PCED1B: variants seen among roughly 807,000 people sequenced by gnomAD.
The protein encoded by PCED1B is PC-esterase domain containing 1B, also known as PC-esterase domain-containing protein 1B.
For synonymous variants in PCED1B, 251 were observed against 246.1 expected (o/e 1.02, Z -0.19); for missense variants, 573 against 573.9 (o/e 1.00, Z 0.02).
At chr12:47,121,730 A>G (rs1285545734) in intron 2 of PCED1B, among the ~76,000 whole-genome samples, 1 of 152,140 alleles carries the variant, frequency 6.6e-6, no homozygotes, top group Non-Finnish European at 1.5e-5. Flanking sequence ...TGTCAAAATA[A>G]GTGATAAAAG....
intron 2 of PCED1B, among the ~76,000 whole-genome samples, chr12:47,119,782 T>C (rs1159501912): frequency 6.6e-6 from 1 of 151,336 alleles, no homozygotes; most frequent in African/African-American, 2.4e-5. Context: ...CTGGTCAATA[T>C]GGGAAAACCC....
intron 3 of PCED1B, among the ~76,000 whole-genome samples, chr12:47,217,484 G>A (rs549153833): frequency 2.1e-4 from 20 of 96,488 alleles, no homozygotes; most frequent in African/African-American, 1.1e-3. Flanking sequence ...AAGAAAGAAA[G>A]AAAGAAAGAA....
chr12:47,231,209 C>T (rs550168064), intron 3 of PCED1B, among the ~76,000 whole-genome samples: 86 of 152,106 alleles, frequency 5.7e-4, no homozygotes, highest in Middle Eastern at 3.4e-3. Context: ...AAGAGAAGCG[C>T]GTATGTTTTA....
chr12:47,182,901 G>A (rs1164803946), intron 2 of PCED1B, among the ~76,000 whole-genome samples: 1 of 152,084 alleles, frequency 6.6e-6, no homozygotes, highest in East Asian at 1.9e-4. Flanking sequence ...ACAATATTTT[G>A]AAACTCATCA....
At chr12:47,083,594 A>T (rs187217247) in intron 1 of PCED1B, among the ~76,000 whole-genome samples, 1 of 152,314 alleles carries the variant, frequency 6.6e-6, no homozygotes, top group Non-Finnish European at 1.5e-5. Context: ...AAATTGCCTA[A>T]GATTTTTTAT....
At chr12:47,178,511 C>T (rs552570204) in intron 2 of PCED1B, among the ~76,000 whole-genome samples, 1 of 152,106 alleles carries the variant, frequency 6.6e-6, no homozygotes, top group Non-Finnish European at 1.5e-5. Flanking sequence ...GGAATGGCAA[C>T]AGCCCAGGTA....
chr12:47,194,346 T>C (rs576785006), intron 2 of PCED1B, among the ~76,000 whole-genome samples: 1 of 152,254 alleles, frequency 6.6e-6, no homozygotes, highest in East Asian at 1.9e-4. Flanking sequence ...AGCTAATTTT[T>C]GTATTTTTAA....
intron 1 of PCED1B, among the ~76,000 whole-genome samples, chr12:47,081,400 T>A (rs933947011): frequency 8.5e-5 from 13 of 152,248 alleles, no homozygotes; most frequent in Non-Finnish European, 1.9e-4. Context: ...GGCAGATTTG[T>A]TAGACCAACA....
At chr12:47,229,899 A>G (rs1943747147) in intron 3 of PCED1B, among the ~76,000 whole-genome samples, 1 of 150,692 alleles carries the variant, frequency 6.6e-6, no homozygotes, top group African/African-American at 2.4e-5. Context: ...CCTCCCGAGT[A>G]GCTGGGACTA....
chr12:47,091,885 G>C (rs897883252), intron 1 of PCED1B, among the ~76,000 whole-genome samples: 4 of 152,050 alleles, frequency 2.6e-5, no homozygotes, highest in Admixed American at 6.5e-5. Flanking sequence ...TCCCTGTTGT[G>C]TTTCATTGGA....
intron 1 of PCED1B, among the ~76,000 whole-genome samples, chr12:47,087,333 T>C (rs1007095116): frequency 1.1e-4 from 17 of 152,334 alleles, no homozygotes; most frequent in African/African-American, 4.1e-4. Context: ...ATGAGGGCCA[T>C]GGGGCTTTGT....
intron 3 of PCED1B, among the ~76,000 whole-genome samples, chr12:47,234,690 C>G (rs1267751379): frequency 6.6e-6 from 1 of 152,190 alleles, no homozygotes. Context: ...CACTCTCATC[C>G]CTGGGGAGGG....
In PCED1B at chr12:47,235,394, T is replaced by A. The variant is rs1189968434; in HGVS notation, c.331T>A (p.Ser111Thr). Residue 111 changes from serine to threonine, a missense_variant, in exon 4 of 4, where the codon TCG (serine) becomes ACG (threonine). By Grantham distance (58) the Ser-to-Thr change is moderately conservative. Coordinates refer to ENST00000546455, the MANE Select transcript of PCED1B (RefSeq NM_138371.3). ...CCAGACCATCTTGAAAGAGCTGCAG[T>A]CGGGCGAGCACGCCCCCGACCTGGT... ...YLQTILKELQSGEHAPDLVIM... is the reference protein window; with the variant it reads ...YLQTILKELQTGEHAPDLVIM... 6.2e-7 allele frequency: 1 copy of A among 1,614,026 alleles called. No individual in the cohort carries two copies. The highest frequency in any genetic ancestry group is 2.2e-5 in the East Asian group (1 of 44,882).
At chr12:47,187,566 A>G (rs969957944) in intron 2 of PCED1B, among the ~76,000 whole-genome samples, 2 of 152,204 alleles carry the variant, frequency 1.3e-5, no homozygotes, top group African/African-American at 4.8e-5. Flanking sequence ...CCAGCACTAA[A>G]TAATAAATGT....
At chr12:47,167,870 C>T (rs151014530) in intron 2 of PCED1B, among the ~76,000 whole-genome samples, 1 of 152,148 alleles carries the variant, frequency 6.6e-6, no homozygotes, top group African/African-American at 2.4e-5. Context: ...AGTACCTGGG[C>T]AGGCCAACAT....
intron 2 of PCED1B, among the ~76,000 whole-genome samples, chr12:47,115,449 G>A (rs1310483630): frequency 6.6e-6 from 1 of 151,970 alleles, no homozygotes; most frequent in East Asian, 1.9e-4. Flanking sequence ...TCTTAAAGCT[G>A]TAGCCACACT....
intron 2 of PCED1B, among the ~76,000 whole-genome samples, chr12:47,150,311 C>G (rs1592205286): frequency 6.6e-6 from 1 of 152,002 alleles, no homozygotes; most frequent in Admixed American, 6.5e-5. Context: ...CGCGGTGGCT[C>G]AAGCCTGTAA....
rs1385548530 is a variant in PCED1B at position 47,217,466 on chromosome 12, G to GAA, written c.-58+779_-58+780dup. On this transcript the variant is annotated intron_variant, in intron 3 of 3. Transcript: ENST00000546455. The stretch of plus-strand genomic sequence containing the variant: ...AAAGAAAGAAAGAAAGAAAAAGAAA[G>GAA]AAAGAGAAAGAAAGAAAGAAAGAAA... Among the ~76,000 whole-genome samples the GAA allele has an allele frequency of 3.4e-3, 237 of 70,578 alleles. 8 individuals are homozygous for GAA. Among genetic ancestry groups the GAA allele is most frequent in the East Asian group, 5.5e-3 (9 of 1,646 alleles). The allele number at this position is 70,578 out of a possible 152,430, so 46.3% of individuals were successfully genotyped here.
chr12:47,209,740 A>G (rs1943020429), intron 2 of PCED1B: 2 of 152,228 alleles, frequency 1.3e-5, no homozygotes, highest in African/African-American at 4.8e-5. Flanking sequence ...AATGTGTTTG[A>G]TTAAGGCAGA....
Sources: allele counts gnomAD v4.1 joint callset (sites outside exome capture counted in the v4.1 genomes callset), GRCh38; gene constraint gnomAD v4.1.1; transcripts MANE v1.5; gene names NCBI Gene and HGNC (gene_info 2026-07-23, HGNC 2026-07-21).